The following SPECC1L variants were observed in gnomAD, a reference collection of about 807,000 sequenced individuals.
SPECC1L encodes the protein sperm antigen with calponin homology and coiled-coil domains 1 like.
In SPECC1L, 40 loss-of-function variants were observed where a neutral mutation model predicts 116.8. The observed-to-expected ratio is 0.34, with a 90% CI of 0.27 to 0.45. The LOEUF is 0.45. Among genes scored for constraint, SPECC1L ranks in the 20% least tolerant of loss-of-function variants. SPECC1L has a pLI of 1.00. For missense variants in SPECC1L, 1,110 were observed against 1,373.6 expected (o/e 0.81, Z 3.03); for synonymous variants, 504 against 500.6 (o/e 1.01, Z -0.09).
At chr22:24,380,012 A>G (rs1482993586) in intron 14 of SPECC1L, among the ~76,000 whole-genome samples, 1 of 152,148 alleles carries the variant, frequency 6.6e-6, no homozygotes, top group Non-Finnish European at 1.5e-5. Context: ...CTGGGATTAC[A>G]GGCACCTGCC....
chr22:24,415,612 C>G lies in SPECC1L; in HGVS notation c.*989C>G, dbSNP rs530046309. ...GGGAGCCCAGGCAGTGTCATTTAAA[C>G]TCACTGAGTCACTAAGACATAATTC... is the stretch of plus-strand genomic sequence containing the variant. On this transcript the variant is annotated 3_prime_UTR_variant, in exon 17 of 17. Coordinates refer to ENST00000314328, the MANE Select transcript of SPECC1L (RefSeq NM_015330.6). The G allele has an allele frequency of 1.3e-5, 2 of 152,588 alleles. No homozygotes were observed. Among genetic ancestry groups the G allele is most frequent in the African/African-American group, 4.8e-5 (2 of 41,442 alleles). 9.5% of individuals were successfully genotyped at this position (152,588 alleles called of 1,614,324 possible).
Position 24,322,618 on chromosome 22 carries a change from A to C in SPECC1L, c.1638A>C (p.Arg546=), listed in dbSNP as rs2040743631. ...ALKERSHHME[R]IIESEQKGKA... is the part of the protein sequence containing the mutation. ...AAGAACGCAGTCACCATATGGAGCGAATTATTGAGTCTGAGCAGAAAGGAA... is the reference window on the plus strand; with the variant it reads ...AAGAACGCAGTCACCATATGGAGCGCATTATTGAGTCTGAGCAGAAAGGAA... Residue 546 remains arginine (R), a synonymous_variant, in exon 5 of 17, where the codon CGA becomes CGC. Transcript: ENST00000314328. 1 of 1,614,100 alleles carries C rather than the reference A, an allele frequency of 6.2e-7. No homozygotes were observed. The highest frequency in any genetic ancestry group is 1.3e-5 in the African/African-American group (1 of 74,940).
intron 2 of SPECC1L, among the ~76,000 whole-genome samples, chr22:24,299,702 GT>G (rs151244706): frequency 0.025 from 3,763 of 148,228 alleles, 181 homozygotes; most frequent in African/African-American, 0.088. Context: ...AAAACTTATG[GT>G]TTTTTTTTTA....
intron 14 of SPECC1L, among the ~76,000 whole-genome samples, chr22:24,388,834 A>ATT (rs568901832): frequency 6.6e-6 from 1 of 151,956 alleles, no homozygotes; most frequent in Non-Finnish European, 1.5e-5. Flanking sequence ...TAGTTGTGTT[A>ATT]TTTTTTTTAC....
At chr22:24,407,452 G>A (rs1364951677) in intron 14 of SPECC1L, among the ~76,000 whole-genome samples, 1 of 152,194 alleles carries the variant, frequency 6.6e-6, no homozygotes, top group Admixed American at 6.5e-5. Context: ...GGACACAGGA[G>A]CCTCTGCCTC....
Position 24,354,613 on chromosome 22 carries a change from T to G in SPECC1L, c.2743+7437T>G, listed in dbSNP as rs77094052. The stretch of plus-strand genomic sequence containing the variant: ...TACAAGATGCTCCAGCCTATCTTGG[T>G]TTTTTTTCCTGCACCAGCCCTGGAG... On this transcript the variant is annotated intron_variant, in intron 11 of 16. Coordinates refer to ENST00000314328, the MANE Select transcript of SPECC1L (RefSeq NM_015330.6). 1.6e-4 allele frequency among the ~76,000 whole-genome samples: 25 copies of G among 151,868 alleles called. No homozygotes were observed. In the East Asian group the frequency reaches 4.7e-3, roughly 28 times the overall value.
Position 24,322,899 on chromosome 22 carries a change from T to C in SPECC1L, c.1919T>C (p.Leu640Ser). Reference protein sequence around the residue: ...LAHTRNDANRLQDAIAKVEDE... With the variant: ...LAHTRNDANRSQDAIAKVEDE... ...CATACCCGAAATGATGCCAATCGAT[T>C]ACAGGATGCCATTGCTAAGGTATTG... is the stretch of plus-strand genomic sequence containing the variant. Residue 640 changes from leucine (L) to serine (S), a missense_variant, in exon 5 of 17, where the codon TTA (leucine) becomes TCA (serine). Leu to Ser is a moderately radical substitution (Grantham distance 145). Around this residue, in one of 4 missense-constraint regions of SPECC1L, gnomAD observed 575 missense variants for 682.4 expected, o/e 0.84. Coordinates refer to ENST00000314328, the MANE Select transcript of SPECC1L (RefSeq NM_015330.6). The C allele has an allele frequency of 6.2e-7, 1 of 1,613,994 alleles. No individual in the cohort carries two copies. Among genetic ancestry groups the C allele is most frequent in the Non-Finnish European group, 8.5e-7 (1 of 1,179,876 alleles).
In SPECC1L at chr22:24,321,518, G is replaced by T; in HGVS notation, c.538G>T (p.Ala180Ser). ...AGACAATCAGATCAGTGACAGAGCT[G>T]CTTTGGAGGCCAAAGTGAAGGATCT... ...KSDNQISDRA[A>S]LEAKVKDLLT... The change falls in exon 5 of 17, where the codon GCT becomes TCT. Residue 180 changes from alanine to serine, a missense_variant. This residue lies in a region of SPECC1L where 437 missense variants were observed against 482.6 expected (regional missense o/e 0.91). Transcript: ENST00000314328. The T allele has an allele frequency of 6.2e-7, 1 of 1,614,250 alleles. No individual in the cohort carries two copies. The highest frequency in any genetic ancestry group is 8.5e-7 in the Non-Finnish European group (1 of 1,180,040).
chr22:24,411,389 G>A (rs559163667), intron 14 of SPECC1L, among the ~76,000 whole-genome samples, 199 bp from the exon 15 acceptor site: 44 of 152,154 alleles, frequency 2.9e-4, no homozygotes, highest in African/African-American at 1.0e-3. Context: ...CCACGTAGGG[G>A]CAGCCATCTA....
chr22:24,271,759 A>G (rs1244596118), intron 1 of SPECC1L, among the ~76,000 whole-genome samples: 1 of 152,234 alleles, frequency 6.6e-6, no homozygotes, highest in African/African-American at 2.4e-5. Context: ...GGGAACCTTG[A>G]TTTGTTGATA....
Position 24,414,721 on chromosome 22 carries a change from C to T in SPECC1L, c.*98C>T. ...CTACGCACCCCTGTAAAGCTTCCAG[C>T]AACTCTGGGCTGCCCCACAGCGTGT... On this transcript the variant is annotated 3_prime_UTR_variant, in exon 17 of 17. Coordinates refer to ENST00000314328, the MANE Select transcript of SPECC1L (RefSeq NM_015330.6). 1 of 1,025,450 alleles carries T rather than the reference C, an allele frequency of 9.8e-7. No homozygotes were observed. The allele number at this position is 1,025,450 out of a possible 1,614,324, so 63.5% of individuals were successfully genotyped here.
At chr22:24,294,759 G>A (rs553616637) in intron 2 of SPECC1L, among the ~76,000 whole-genome samples, 1 of 152,010 alleles carries the variant, frequency 6.6e-6, no homozygotes, top group Non-Finnish European at 1.5e-5. Context: ...TGGCTTGCCT[G>A]GACATGGAAT....
intron 2 of SPECC1L, among the ~76,000 whole-genome samples, chr22:24,297,364 G>A (rs1033479042): frequency 6.6e-6 from 1 of 152,028 alleles, no homozygotes; most frequent in Admixed American, 6.6e-5. Context: ...TCAGGAAATG[G>A]AATTAGTCTA....
At chr22:24,387,051 C>T (rs529084383) in intron 14 of SPECC1L, among the ~76,000 whole-genome samples, 17 of 152,314 alleles carry the variant, frequency 1.1e-4, no homozygotes, top group South Asian at 2.1e-4. Flanking sequence ...AACACTTGCA[C>T]CCTGCTGACA....
At chr22:24,284,793 A>G (rs1569403496) in intron 2 of SPECC1L, among the ~76,000 whole-genome samples, 2 of 152,314 alleles carry the variant, frequency 1.3e-5, no homozygotes, top group Admixed American at 6.5e-5. Flanking sequence ...TTAAAAAGCA[A>G]CAGTTCAGAA....
Position 24,313,595 on chromosome 22 carries a change from T to C in SPECC1L, c.307+129T>C, listed in dbSNP as rs2040501865. 3.8e-6 allele frequency: 4 copies of C among 1,058,880 alleles called. No homozygotes were observed. In the South Asian group the frequency reaches 4.1e-5, roughly 11 times the overall value. 65.6% of individuals were successfully genotyped at this position (1,058,880 alleles called of 1,614,324 possible). On this transcript the variant is annotated intron_variant, in intron 4 of 16. Transcript: ENST00000314328. ...ATACAAAAGTAGATGGATTGATATT[T>C]CAGCCCAATACGCTCATCACCATTA...
chr22:24,331,433 T>G (rs1275506733), intron 8 of SPECC1L, among the ~76,000 whole-genome samples: 2 of 152,240 alleles, frequency 1.3e-5, no homozygotes, highest in Non-Finnish European at 2.9e-5. Context: ...TTACATTACT[T>G]TTTTCTCTTT....
intron 13 of SPECC1L, 91 bp downstream of exon 13, chr22:24,365,723 G>A: frequency 1.4e-6 from 2 of 1,453,436 alleles, no homozygotes; most frequent in Non-Finnish European, 1.9e-6. Flanking sequence ...TGGCATTTGA[G>A]CACTGTGATT....
intron 14 of SPECC1L, among the ~76,000 whole-genome samples, chr22:24,406,757 C>G (rs1208333073): frequency 1.3e-5 from 2 of 152,194 alleles, no homozygotes; most frequent in African/African-American, 2.4e-5. Flanking sequence ...ATTAACGGGC[C>G]GTGGTGGCCG....
Sources: allele counts gnomAD v4.1 joint callset (sites outside exome capture counted in the v4.1 genomes callset), GRCh38; gene constraint gnomAD v4.1.1; regional missense constraint gnomAD v4.1.1; transcripts MANE v1.5; gene names NCBI Gene and HGNC (gene_info 2026-07-23, HGNC 2026-07-21).